Variants in KAT7 observed in about 807,000 individuals in gnomAD.
KAT7 encodes lysine acetyltransferase 7.
A neutral mutation model predicts 82.1 loss-of-function variants in KAT7; 10 were observed. The ratio of observed to expected loss-of-function variants is 0.12; its 90% confidence interval spans 0.08 to 0.21. The LOEUF is 0.21. Ranked by LOEUF, KAT7 falls within the 10% of genes least tolerant of loss-of-function variation. The probability of loss-of-function intolerance (pLI) is 1.00; values close to 1 mark genes in which losing one functional copy is unlikely to be tolerated. For synonymous variants in KAT7, 250 were observed against 262.5 expected, an observed-to-expected ratio of 0.95 and a Z score of 0.46; for missense variants, 378 against 760.9, an observed-to-expected ratio of 0.50 and a Z score of 5.92.
chr17:49,795,043 AG>A (rs1744363082), intron 2 of KAT7, among the ~76,000 whole-genome samples: 1 of 151,526 alleles, frequency 6.6e-6, no homozygotes, highest in African/African-American at 2.4e-5. Flanking sequence ...TGGGGGGTGC[AG>A]CCGTGAGAGA....
At chr17:49,816,834 C>A (rs912939144) in intron 8 of KAT7, among the ~76,000 whole-genome samples, 6 of 151,486 alleles carry the variant, frequency 4.0e-5, no homozygotes, top group African/African-American at 1.5e-4. Flanking sequence ...TTTTCTGAGA[C>A]AGGGTTTTGC....
intron 9 of KAT7, among the ~76,000 whole-genome samples, chr17:49,818,739 CTTGT>C (rs2074264506): frequency 1.3e-5 from 1 of 74,166 alleles, no homozygotes; most frequent in Non-Finnish European, 2.6e-5. Context: ...AAGACTTTTT[CTTGT>C]TTTTTTTTTT....
rs186464490 is a variant in KAT7, at chr17:49,797,164, C to T, written c.340+238C>T. On this transcript the variant is annotated intron_variant, in intron 3 of 14. Coordinates refer to ENST00000259021, the MANE Select transcript of KAT7 (RefSeq NM_007067.5). ...CTGCAAGCTCTGCCTCCCGGGTTCACGCCATTCTCCTGCCTCAGCCTCCTG... is the reference window on the plus strand; with the variant it reads ...CTGCAAGCTCTGCCTCCCGGGTTCATGCCATTCTCCTGCCTCAGCCTCCTG... Among the ~76,000 whole-genome samples the T allele has an allele frequency of 3.3e-3, 507 of 151,810 alleles. 2 individuals are homozygous for T. Among genetic ancestry groups the T allele is most frequent in the Non-Finnish European group, 5.3e-3 (360 of 67,934 alleles).
chr17:49,805,574 G>A, intron 5 of KAT7, 129 bp downstream of exon 5: 7 of 522,260 alleles, frequency 1.3e-5, no homozygotes, highest in Non-Finnish European at 1.7e-5. Flanking sequence ...TTGTAGTGGA[G>A]GAAACATAAA....
At position 49,826,049 on chromosome 17, in the gene KAT7, A is replaced by G; in HGVS notation, c.1530A>G (p.Pro510=). 2 of 1,611,818 alleles carry G rather than the reference A, an allele frequency of 1.2e-6. No homozygotes were observed. The highest frequency in any genetic ancestry group is 1.7e-6 in the Non-Finnish European group (2 of 1,178,410). The change falls in exon 13 of 15, where the codon CCA becomes CCG. Residue 510 remains proline (P), a synonymous_variant. Coordinates refer to ENST00000259021, the MANE Select transcript of KAT7 (RefSeq NM_007067.5). ...AAAAAGTTGGCTCCCCAGAACGTCC[A>G]CTCTCAGATCTGGGGCTTATAAGCT... ...VEEKVGSPER[P]LSDLGLISYR...
intron 5 of KAT7, among the ~76,000 whole-genome samples, chr17:49,806,474 A>G (rs2074093153): frequency 6.6e-6 from 1 of 152,222 alleles, no homozygotes; most frequent in Non-Finnish European, 1.5e-5. Flanking sequence ...AGTGAGTTGT[A>G]GATCTTCCCA....
intron 12 of KAT7, chr17:49,824,588 C>G (rs1423457707): frequency 6.6e-6 from 1 of 152,072 alleles, no homozygotes; most frequent in African/African-American, 2.4e-5. Context: ...CTCGAACTCC[C>G]GAGCTCAGGT....
chr17:49,809,871 A>G (rs1296820663), intron 6 of KAT7, among the ~76,000 whole-genome samples: 1 of 152,176 alleles, frequency 6.6e-6, no homozygotes, highest in East Asian at 1.9e-4. Flanking sequence ...CCGTTAAGGA[A>G]TTTCTTCCTT....
chr17:49,803,493 C>T (rs767942937), intron 4 of KAT7, among the ~76,000 whole-genome samples: 8 of 151,924 alleles, frequency 5.3e-5, no homozygotes, highest in East Asian at 1.9e-4. Context: ...GGTGCAATCT[C>T]GGCTCACCGC....
chr17:49,816,256 CTG>C (rs2074233380), intron 8 of KAT7, among the ~76,000 whole-genome samples: 1 of 152,206 alleles, frequency 6.6e-6, no homozygotes, highest in African/African-American at 2.4e-5. Flanking sequence ...AGACTCATCT[CTG>C]TTGTTTTCTT....
Position 49,811,488 on chromosome 17 carries a change from A to G in KAT7, c.766A>G (p.Arg256Gly), listed in dbSNP as rs1212538136. The part of the protein sequence containing the change: ...HATRHQAPTE[R>G]QLRYKEKVAE... The stretch of plus-strand genomic sequence containing the variant: ...TTTTTCCTTTTAGGCACCAACGGAG[A>G]GACAGCTTCGATATAAGGAAAAAGT... Residue 256 changes from arginine (R) to glycine (G), a missense_variant, in exon 7 of 15, where the codon AGA becomes GGA. By Grantham distance (125) the Arg-to-Gly change is moderately radical. This residue lies in a region of KAT7 where 102 missense variants were observed against 129.8 expected (regional missense o/e 0.79). Coordinates refer to ENST00000259021, the MANE Select transcript of KAT7 (RefSeq NM_007067.5). The G allele has an allele frequency of 1.3e-6, 2 of 1,521,114 alleles. No individual in the cohort carries two copies. The highest frequency in any genetic ancestry group is 1.8e-6 in the Non-Finnish European group (2 of 1,123,052). 94.2% of individuals were successfully genotyped at this position (1,521,114 alleles called of 1,614,324 possible).
chr17:49,789,487 G>C (rs1041368027), intron 1 of KAT7: 1 of 151,728 alleles, frequency 6.6e-6, no homozygotes, highest in Admixed American at 6.6e-5. Context: ...ACAGCGCCTA[G>C]AAAATGCAGT....
At chr17:49,809,072 G>A (rs751230386) in intron 5 of KAT7, 47 bp from the exon 6 acceptor site, 7 of 1,422,784 alleles carry the variant, frequency 4.9e-6, no homozygotes, top group Admixed American at 1.7e-5. Context: ...TTAAGTAAAC[G>A]TAGTCTTAGA....
At chr17:49,801,131 G>A (rs961752740) in intron 4 of KAT7, among the ~76,000 whole-genome samples, 2 of 152,188 alleles carry the variant, frequency 1.3e-5, no homozygotes, top group African/African-American at 4.8e-5. Flanking sequence ...TAATGGGGTA[G>A]ACCATAGGGT....
rs1174099084 is a variant in KAT7 at position 49,827,677 on chromosome 17, T to G, written c.*175T>G. The G allele has an allele frequency of 8.4e-6, 5 of 597,038 alleles. No individual in the cohort carries two copies. In the East Asian group the frequency reaches 1.1e-4, roughly 13 times the overall value. The allele number at this position is 597,038 out of a possible 1,614,324, so 37.0% of individuals were successfully genotyped here. ...TTGTGTACACTGCAGACGCTGGTTC[T>G]GAGGAACTGTTGTTTCGGCCTCAGT... On this transcript the variant is annotated 3_prime_UTR_variant, in exon 15 of 15. Transcript: ENST00000259021.
intron 5 of KAT7, 23 bp downstream of exon 5, chr17:49,805,468 A>G (rs1446916648): frequency 6.4e-6 from 10 of 1,550,732 alleles, no homozygotes; most frequent in Non-Finnish European, 8.9e-6. Flanking sequence ...TCATTTATTC[A>G]ACACATGCTT....
At chr17:49,815,728 G>A (rs2074225484) in intron 7 of KAT7, 75 bp from the exon 8 acceptor site, 8 of 890,050 alleles carry the variant, frequency 9.0e-6, no homozygotes, top group Non-Finnish European at 1.5e-5. Context: ...GGTTTGCATG[G>A]ATTGAAATGA....
In KAT7 at chr17:49,788,719, G is replaced by A. The variant is rs773102402; in HGVS notation, c.-116G>A. On this transcript the variant is annotated 5_prime_UTR_variant, in exon 1 of 15. Transcript: ENST00000259021. ...GACGCTGAGAGGCAGGAGGCACTAGGGATCGTCCGCAGGATTGGGACTGAT... is the reference window on the plus strand; with the variant it reads ...GACGCTGAGAGGCAGGAGGCACTAGAGATCGTCCGCAGGATTGGGACTGAT... The A allele has an allele frequency of 1.9e-4, 222 of 1,162,982 alleles. No individual in the cohort carries two copies. Among genetic ancestry groups the A allele is most frequent in the Non-Finnish European group, 2.6e-4 (217 of 837,098 alleles). The allele number at this position is 1,162,982 out of a possible 1,614,324, so 72.0% of individuals were successfully genotyped here.
intron 4 of KAT7, among the ~76,000 whole-genome samples, chr17:49,804,967 A>G (rs964148445): frequency 6.6e-6 from 1 of 152,226 alleles, no homozygotes; most frequent in Non-Finnish European, 1.5e-5. Context: ...ATTGCACAGT[A>G]GAAAGAAAAG....
Sources: allele counts gnomAD v4.1 joint callset (sites outside exome capture counted in the v4.1 genomes callset), GRCh38; gene constraint gnomAD v4.1.1; regional missense constraint gnomAD v4.1.1; transcripts MANE v1.5; gene names NCBI Gene and HGNC (gene_info 2026-07-23, HGNC 2026-07-21).